Variants in MEF2A observed in about 807,000 individuals in gnomAD.
The protein encoded by MEF2A is myocyte-specific enhancer factor 2A.
MEF2A carries 28 observed loss-of-function variants against 55.8 expected under a neutral mutation model. That is an observed-to-expected ratio of 0.50 (90% CI 0.37 to 0.69). The LOEUF is 0.69. Ranked by LOEUF, MEF2A falls within the 30% of genes least tolerant of loss-of-function variation. MEF2A has a pLI of 0.00. For missense variants in MEF2A, 528 were observed against 626.2 expected, an observed-to-expected ratio of 0.84 and a Z score of 1.67; for synonymous variants, 239 against 227.1, an observed-to-expected ratio of 1.05 and a Z score of -0.47.
At chr15:99,603,283 T>A (rs1596405093) in intron 2 of MEF2A, among the ~76,000 whole-genome samples, 2 of 152,236 alleles carry the variant, frequency 1.3e-5, no homozygotes, top group Non-Finnish European at 2.9e-5. Flanking sequence ...ATTCTACTGT[T>A]GTCCAAGAAC....
At chr15:99,602,273 G>C (rs1973359541) in intron 2 of MEF2A, among the ~76,000 whole-genome samples, 1 of 152,170 alleles carries the variant, frequency 6.6e-6, no homozygotes, top group Non-Finnish European at 1.5e-5. Flanking sequence ...CTGGGGTCTT[G>C]TGTCCCTTCT....
At chr15:99,707,243 A>G (rs2058137039) in intron 10 of MEF2A, among the ~76,000 whole-genome samples, 1 of 152,140 alleles carries the variant, frequency 6.6e-6, no homozygotes, top group Admixed American at 6.5e-5. Context: ...GTTTGTCTTT[A>G]TGCTGTGTTA....
chr15:99,694,375 T>G (rs1597215000), intron 8 of MEF2A, among the ~76,000 whole-genome samples: 1 of 152,184 alleles, frequency 6.6e-6, no homozygotes, highest in African/African-American at 2.4e-5. Context: ...ACCAGAAGTA[T>G]TCCAGATTTC....
chr15:99,614,060 G>A (rs1260617920), intron 2 of MEF2A, among the ~76,000 whole-genome samples: 1 of 152,232 alleles, frequency 6.6e-6, no homozygotes, highest in Non-Finnish European at 1.5e-5. Flanking sequence ...GCCTCCTAGT[G>A]TGACTTTGGG....
Position 99,573,627 on chromosome 15 carries a change from C to G in MEF2A, c.-225+7523C>G, listed in dbSNP as rs564049703. Among the ~76,000 whole-genome samples, 4 of 152,308 alleles carry G rather than the reference C, an allele frequency of 2.6e-5. No individual in the cohort carries two copies. The South Asian group carries it at 8.3e-4, about 32-fold the overall frequency. Reference sequence around the variant, plus strand: ...TATTACTTCCCTCTAGCTTATCCAACTAATTTCATATGTTTATAGAAAAGC... The same window carrying G: ...TATTACTTCCCTCTAGCTTATCCAAGTAATTTCATATGTTTATAGAAAAGC... On this transcript the variant is annotated intron_variant, in intron 1 of 11. Coordinates refer to ENST00000557942, the MANE Select transcript of MEF2A (RefSeq NM_001319206.4).
At chr15:99,615,615 C>G (rs2040053168) in intron 2 of MEF2A, among the ~76,000 whole-genome samples, 1 of 152,040 alleles carries the variant, frequency 6.6e-6, no homozygotes, top group African/African-American at 2.4e-5. Context: ...TCAAGGCAAC[C>G]CATGTAGTAA....
chr15:99,652,268 A>T (rs1236079186), intron 4 of MEF2A, among the ~76,000 whole-genome samples: 2 of 152,100 alleles, frequency 1.3e-5, no homozygotes, highest in Non-Finnish European at 2.9e-5. Context: ...CAGGCATTAG[A>T]TTCTCATAAG....
chr15:99,710,764 A>G lies in MEF2A; in HGVS notation c.1136+4A>G. 1 of 1,592,134 alleles carries G rather than the reference A, an allele frequency of 6.3e-7. No homozygotes were observed. The highest frequency in any genetic ancestry group is 1.7e-5 in the Admixed American group (1 of 59,608). On this transcript the variant is annotated splice_donor_region_variant and intron_variant, in intron 11 of 11. Coordinates refer to ENST00000557942, the MANE Select transcript of MEF2A (RefSeq NM_001319206.4). ...AAGCAGCCCTCAGCTCTCTTGTGTG[A>G]GTAACTAGAAGTTTTCCCTGCATCT...
intron 2 of MEF2A, among the ~76,000 whole-genome samples, chr15:99,627,870 G>A (rs2042295714): frequency 6.6e-6 from 1 of 152,212 alleles, no homozygotes; most frequent in South Asian, 2.1e-4. Context: ...AAAAAAGCCA[G>A]TGAGAAAGTA....
At chr15:99,621,668 T>G (rs2041198924) in intron 2 of MEF2A, among the ~76,000 whole-genome samples, 1 of 152,210 alleles carries the variant, frequency 6.6e-6, no homozygotes, top group Non-Finnish European at 1.5e-5. Flanking sequence ...TAGTTTCCTA[T>G]TTGACATTTT....
chr15:99,575,729 C>A (rs1242200984), intron 1 of MEF2A, among the ~76,000 whole-genome samples: 1 of 152,214 alleles, frequency 6.6e-6, no homozygotes, highest in African/African-American at 2.4e-5. Flanking sequence ...ACTTACTACA[C>A]AGAATTGCAA....
At chr15:99,693,750 TCAG>T (rs2055944234) in intron 8 of MEF2A, among the ~76,000 whole-genome samples, 1 of 152,140 alleles carries the variant, frequency 6.6e-6, no homozygotes, top group Admixed American at 6.5e-5. Flanking sequence ...AGGAAGCCCT[TCAG>T]CAGGACTGTG....
rs574134023 is a variant in MEF2A at position 99,703,953 on chromosome 15, A to G, written c.882+568A>G. Among the ~76,000 whole-genome samples the G allele has an allele frequency of 2.0e-5, 3 of 152,366 alleles. No individual in the cohort carries two copies. In the South Asian group the frequency reaches 6.2e-4, roughly 32 times the overall value. On this transcript the variant is annotated intron_variant, in intron 9 of 11. Coordinates refer to ENST00000557942, the MANE Select transcript of MEF2A (RefSeq NM_001319206.4). ...TATCAGAAGGCGCTCTTTTCTTAAAAGCAACTATTGCCCTTTTTCCAAAAC... is the reference window on the plus strand; with the variant it reads ...TATCAGAAGGCGCTCTTTTCTTAAAGGCAACTATTGCCCTTTTTCCAAAAC...
At chr15:99,666,315 C>T (rs1172210092) in intron 4 of MEF2A, among the ~76,000 whole-genome samples, 3 of 152,086 alleles carry the variant, frequency 2.0e-5, no homozygotes, top group Non-Finnish European at 4.4e-5. Context: ...TGGAAACCAT[C>T]ATTCTCAGCA....
intron 4 of MEF2A, among the ~76,000 whole-genome samples, chr15:99,667,945 A>G (rs959002312): frequency 6.6e-6 from 1 of 152,204 alleles, no homozygotes; most frequent in Non-Finnish European, 1.5e-5. Flanking sequence ...AAAATATTTC[A>G]GTATCCTTAC....
intron 4 of MEF2A, among the ~76,000 whole-genome samples, chr15:99,648,963 G>A (rs1843597197): frequency 6.6e-6 from 1 of 152,074 alleles, no homozygotes; most frequent in African/African-American, 2.4e-5. Context: ...TTATAAATAG[G>A]TAGAAATGGT....
intron 1 of MEF2A, among the ~76,000 whole-genome samples, chr15:99,597,772 A>G (rs1971726255): frequency 6.6e-6 from 1 of 152,122 alleles, no homozygotes; most frequent in Non-Finnish European, 1.5e-5. Context: ...AAGCTGGCCG[A>G]CGCTTAAGGA....
intron 5 of MEF2A, among the ~76,000 whole-genome samples, 182 bp from the exon 6 acceptor site, chr15:99,674,210 CA>C (rs1387749287): frequency 6.6e-6 from 1 of 151,978 alleles, no homozygotes; most frequent in Non-Finnish European, 1.5e-5. Flanking sequence ...AGGCTCATGT[CA>C]GTCATATTCA....
rs541564638 is a variant in MEF2A at position 99,636,004 on chromosome 15, G to A, written c.54+2831G>A. ...GAAGTTTTCTAAAGTAGTTCTACTG[G>A]TTTACACTCTGCTGGCAGAGTGTAA... On this transcript the variant is annotated intron_variant, in intron 3 of 11. Coordinates refer to ENST00000557942, the MANE Select transcript of MEF2A (RefSeq NM_001319206.4). Among the ~76,000 whole-genome samples the A allele has an allele frequency of 1.2e-4, 18 of 152,226 alleles. No homozygotes were observed. In the East Asian group the frequency reaches 3.1e-3, roughly 26 times the overall value.
Sources: allele counts gnomAD v4.1 joint callset (sites outside exome capture counted in the v4.1 genomes callset), GRCh38; gene constraint gnomAD v4.1.1; transcripts MANE v1.5; gene names NCBI Gene and HGNC (gene_info 2026-07-23, HGNC 2026-07-21).